The following METTL25 variants were observed in gnomAD, a reference collection of about 807,000 sequenced individuals.
The protein encoded by METTL25 is probable methyltransferase-like protein 25.
Under a neutral mutation model 71.6 loss-of-function variants are expected in METTL25, and 64 were observed. That is an observed-to-expected ratio of 0.89 (90% CI 0.73 to 1.10). METTL25 has a LOEUF of 1.10. Among genes scored for constraint, METTL25 ranks in the 50% least tolerant of loss-of-function variants. METTL25 has a pLI of 0.00. For missense variants in METTL25, 807 were observed against 707.0 expected (o/e 1.14, Z -1.60); for synonymous variants, 287 against 250.3 (o/e 1.15, Z -1.38).
chr12:82,414,619 TAAAAG>T (rs1256179843), intron 5 of METTL25, among the ~76,000 whole-genome samples: 1 of 152,128 alleles, frequency 6.6e-6, no homozygotes, highest in Non-Finnish European at 1.5e-5. Flanking sequence ...TATGTCCACT[TAAAAG>T]AAGTAGTAAA....
chr12:82,359,638 AC>A (rs1322196124), intron 1 of METTL25, among the ~76,000 whole-genome samples: 10 of 152,232 alleles, frequency 6.6e-5, no homozygotes, highest in Non-Finnish European at 1.0e-4. Context: ...TCGGATAGTC[AC>A]TATTTCATTT....
At chr12:82,421,339 A>C (rs1460509008) in intron 5 of METTL25, among the ~76,000 whole-genome samples, 1 of 152,180 alleles carries the variant, frequency 6.6e-6, no homozygotes, top group African/African-American at 2.4e-5. Context: ...ATAAATAAAC[A>C]GGAATTTCTA....
chr12:82,441,162 G>A (rs1023816098), intron 8 of METTL25, among the ~76,000 whole-genome samples: 1 of 151,924 alleles, frequency 6.6e-6, no homozygotes, highest in African/African-American at 2.4e-5. Flanking sequence ...AATGAGTAAA[G>A]CCCCATTTTG....
chr12:82,395,922 G>A (rs1886032905), intron 3 of METTL25, among the ~76,000 whole-genome samples: 1 of 151,914 alleles, frequency 6.6e-6, no homozygotes, highest in African/African-American at 2.4e-5. Context: ...AGTATGATAT[G>A]GTATCTGCAG....
At chr12:82,439,018 A>G (rs902933306) in intron 8 of METTL25, 7 of 313,410 alleles carry the variant, frequency 2.2e-5, no homozygotes, top group Admixed American at 9.9e-5. Flanking sequence ...TAATGATAAA[A>G]TAATCTATGT....
rs1407900167 is a variant in METTL25 at position 82,436,657 on chromosome 12, GTTATC to G, written c.1404+1936_1404+1940del. Reference sequence around the variant, plus strand: ...TTTTTCTGTGCATTCATTTTTTTATGTTATCTTGTTTAAAATGAACTTGTTCTTTT... The same window carrying G: ...TTTTTCTGTGCATTCATTTTTTTATGTTGTTTAAAATGAACTTGTTCTTTT... On this transcript the variant is annotated intron_variant, in intron 7 of 11. Transcript: ENST00000248306. 4.0e-5 allele frequency among the ~76,000 whole-genome samples: 6 copies of G among 151,290 alleles called. No homozygotes were observed. The East Asian group carries it at 7.8e-4, about 20-fold the overall frequency.
chr12:82,405,152 T>G (rs572356480), intron 5 of METTL25, among the ~76,000 whole-genome samples: 1 of 152,276 alleles, frequency 6.6e-6, no homozygotes, highest in African/African-American at 2.4e-5. Flanking sequence ...CTCTGTACTG[T>G]GAAGTCTCAG....
At chr12:82,453,360 C>T (rs938499903) in intron 8 of METTL25, among the ~76,000 whole-genome samples, 2 of 152,162 alleles carry the variant, frequency 1.3e-5, no homozygotes, top group African/African-American at 2.4e-5. Context: ...GGTGGCCATT[C>T]CTCATCTGCA....
At chr12:82,359,100 A>G (rs1211213953) in intron 1 of METTL25, among the ~76,000 whole-genome samples, 1 of 152,204 alleles carries the variant, frequency 6.6e-6, no homozygotes, top group Non-Finnish European at 1.5e-5. Flanking sequence ...TAATTCCATA[A>G]TAATTGACGC....
intron 6 of METTL25, among the ~76,000 whole-genome samples, chr12:82,433,834 T>C (rs893881841): frequency 1.4e-4 from 21 of 151,534 alleles, no homozygotes; most frequent in African/African-American, 5.1e-4. Context: ...ATAGCAAGTA[T>C]ATGCACATCT....
intron 1 of METTL25, among the ~76,000 whole-genome samples, chr12:82,361,808 C>T (rs1445091301): frequency 1.3e-5 from 2 of 152,222 alleles, no homozygotes; most frequent in South Asian, 2.1e-4. Flanking sequence ...TCCCTCCACA[C>T]CTCCCTGCAA....
chr12:82,411,514 C>G (rs1887554594), intron 5 of METTL25, among the ~76,000 whole-genome samples: 1 of 149,818 alleles, frequency 6.7e-6, no homozygotes, highest in African/African-American at 2.5e-5. Flanking sequence ...AGCAAGCAGT[C>G]AACAAAGGAA....
intron 9 of METTL25, chr12:82,459,865 A>G (rs1469934132): frequency 2.6e-5 from 4 of 152,226 alleles, no homozygotes; most frequent in Admixed American, 2.0e-4. Flanking sequence ...CCTTTGCTCT[A>G]TTTATTCCAG....
intron 1 of METTL25, among the ~76,000 whole-genome samples, chr12:82,360,980 C>G (rs1270983108): frequency 6.6e-6 from 1 of 152,084 alleles, no homozygotes; most frequent in Non-Finnish European, 1.5e-5. Context: ...GCAGTGTGGA[C>G]CCAAAGAGAG....
At chr12:82,401,350 G>A (rs181303727) in intron 4 of METTL25, among the ~76,000 whole-genome samples, 63 of 152,110 alleles carry the variant, frequency 4.1e-4, no homozygotes, top group Admixed American at 2.1e-3. Flanking sequence ...GTAATTTAAA[G>A]TAAATTACAA....
intron 9 of METTL25, among the ~76,000 whole-genome samples, chr12:82,458,100 C>A (rs560058580): frequency 3.3e-5 from 5 of 151,986 alleles, no homozygotes; most frequent in Admixed American, 2.6e-4. Context: ...TTTGTTTTCC[C>A]AGTTTGTCTT....
chr12:82,405,360 G>A (rs1887003109), intron 5 of METTL25, among the ~76,000 whole-genome samples: 1 of 152,074 alleles, frequency 6.6e-6, no homozygotes, highest in Non-Finnish European at 1.5e-5. Flanking sequence ...TGTGGATTGT[G>A]AGCAATTTTA....
intron 4 of METTL25, 151 bp from the exon 5 acceptor site, chr12:82,402,832 G>C: frequency 3.9e-6 from 2 of 518,110 alleles, no homozygotes; most frequent in Non-Finnish European, 6.6e-6. Flanking sequence ...CCAGTAATTT[G>C]AGTCAGTAGC....
At chr12:82,462,536 A>C (rs902712439) in intron 9 of METTL25, among the ~76,000 whole-genome samples, 6 of 152,272 alleles carry the variant, frequency 3.9e-5, no homozygotes, top group African/African-American at 7.2e-5. Flanking sequence ...ATAACATGAG[A>C]CCATGAATAT....
Sources: allele counts gnomAD v4.1 joint callset (sites outside exome capture counted in the v4.1 genomes callset), GRCh38; gene constraint gnomAD v4.1.1; transcripts MANE v1.5; gene names NCBI Gene and HGNC (gene_info 2026-07-23, HGNC 2026-07-21).